The following CNTN5 variants were observed in gnomAD, a reference collection of about 807,000 sequenced individuals.
CNTN5 encodes contactin-5.
In CNTN5, 77 loss-of-function variants were observed where a neutral mutation model predicts 129.1. The observed-to-expected ratio is 0.60, with a 90% CI of 0.50 to 0.72. The LOEUF (loss-of-function observed/expected upper bound fraction) is 0.72. Ranked by LOEUF, CNTN5 falls within the 30% of genes least tolerant of loss-of-function variation. The pLI, the probability that CNTN5 is intolerant of heterozygous loss-of-function variation, is 0.00. For missense variants in CNTN5, 1,478 were observed against 1,328.8 expected, an observed-to-expected ratio of 1.11 and a Z score of -1.75; for synonymous variants, 509 against 465.6, an observed-to-expected ratio of 1.09 and a Z score of -1.20.
intron 1 of CNTN5, among the ~76,000 whole-genome samples, chr11:99,285,607 G>C (rs886636261): frequency 7.2e-6 from 1 of 139,712 alleles, no homozygotes; most frequent in Non-Finnish European, 1.5e-5. Flanking sequence ...AAAAAAAAAA[G>C]AAATGAAGAT....
intron 3 of CNTN5, among the ~76,000 whole-genome samples, chr11:99,760,964 G>T (rs981528243): frequency 1.3e-5 from 2 of 152,046 alleles, no homozygotes; most frequent in Non-Finnish European, 2.9e-5. Context: ...AATGATGTGG[G>T]TTATTTGTTT....
At chr11:99,652,399 A>G (rs1267181440) in intron 3 of CNTN5, among the ~76,000 whole-genome samples, 3 of 152,076 alleles carry the variant, frequency 2.0e-5, no homozygotes, top group Non-Finnish European at 1.5e-5. Context: ...CATCTTTGTC[A>G]TATAAAGTAA....
chr11:99,852,718 C>T (rs1436904364), intron 6 of CNTN5, among the ~76,000 whole-genome samples: 1 of 152,136 alleles, frequency 6.6e-6, no homozygotes, highest in Admixed American at 6.5e-5. Flanking sequence ...TATATTTTAT[C>T]ATAGTGCTCT....
chr11:100,140,112 A>G (rs1946646820), intron 13 of CNTN5, among the ~76,000 whole-genome samples: 1 of 152,184 alleles, frequency 6.6e-6, no homozygotes, highest in African/African-American at 2.4e-5. Flanking sequence ...AGAGATAGAA[A>G]GTTTGAGCCA....
Position 100,341,171 on chromosome 11 carries a change from C to T in CNTN5, c.2996C>T (p.Pro999Leu). The change falls in exon 23 of 25, where the codon CCA (proline) becomes CTA (leucine). Residue 999 changes from proline to leucine, a missense_variant. By Grantham distance (98) the Pro-to-Leu change is moderately conservative (BLOSUM62 -3). Transcript: ENST00000524871. ...TCTCTGGGCTGGGAACCCGTCATAC[C>T]ATTAGCCAACGAATCTGAAGTTGTG... ...QVSLGWEPVI[P>L]LANESEVVGY... 6.2e-7 allele frequency: 1 copy of T among 1,613,810 alleles called. No homozygotes were observed. Among genetic ancestry groups the T allele is most frequent in the Non-Finnish European group, 8.5e-7 (1 of 1,179,752 alleles).
chr11:100,182,655 G>A (rs2138459361), intron 13 of CNTN5, among the ~76,000 whole-genome samples: 1 of 152,120 alleles, frequency 6.6e-6, no homozygotes, highest in Admixed American at 6.6e-5. Context: ...GTGATTCAAA[G>A]TGTATCACAG....
At chr11:99,884,847 T>C (rs894131992) in intron 6 of CNTN5, among the ~76,000 whole-genome samples, 7 of 152,100 alleles carry the variant, frequency 4.6e-5, no homozygotes, top group African/African-American at 1.7e-4. Flanking sequence ...TGTGATGGCA[T>C]GTGCTTGTAG....
chr11:99,237,150 T>C (rs950415317), intron 1 of CNTN5, among the ~76,000 whole-genome samples: 18 of 152,154 alleles, frequency 1.2e-4, no homozygotes, highest in African/African-American at 2.4e-4. Flanking sequence ...GCAATATTAC[T>C]ACACGCAAAA....
At chr11:99,135,768 A>C (rs1194058187) in intron 1 of CNTN5, among the ~76,000 whole-genome samples, 2 of 152,144 alleles carry the variant, frequency 1.3e-5, no homozygotes, top group South Asian at 2.1e-4. Context: ...CCATTCTACC[A>C]ATTATATGTT....
chr11:99,057,966 T>G (rs1864701747), intron 1 of CNTN5, among the ~76,000 whole-genome samples: 1 of 152,080 alleles, frequency 6.6e-6, no homozygotes, highest in East Asian at 1.9e-4. Flanking sequence ...AGGAAAATAA[T>G]ATTCTAGGTA....
Position 100,185,381 on chromosome 11 carries a change from C to A in CNTN5, c.1581-5745C>A, listed in dbSNP as rs1442939144. On this transcript the variant is annotated intron_variant, in intron 13 of 24. Transcript: ENST00000524871. ...CTCTCCAGATTCATTCTCCACCCTT[C>A]AGTACTCTGCAGTATACCCCAAGAG... Among the ~76,000 whole-genome samples, 3 of 152,216 alleles carry A rather than the reference C, an allele frequency of 2.0e-5. No homozygotes were observed. The East Asian group carries it at 5.8e-4, about 30-fold the overall frequency.
intron 2 of CNTN5, among the ~76,000 whole-genome samples, chr11:99,523,634 TAGAATAGAATAGAATAGAA>T (rs1565258501): frequency 2.0e-5 from 1 of 48,914 alleles, no homozygotes; most frequent in Non-Finnish European, 4.1e-5. Flanking sequence ...TAGAATAGAA[TAGAATAGAATAGAATAGAA>T]CAGAACAGAT....
chr11:100,311,193 C>T (rs763868725), intron 21 of CNTN5, among the ~76,000 whole-genome samples: 2 of 151,578 alleles, frequency 1.3e-5, no homozygotes, highest in Non-Finnish European at 2.9e-5. Flanking sequence ...AGAAGTGGAC[C>T]TTTTAAAATA....
chr11:99,388,292 GTAATCCCAGC>G (rs1409655129), intron 2 of CNTN5, among the ~76,000 whole-genome samples: 1 of 151,466 alleles, frequency 6.6e-6, no homozygotes, highest in Non-Finnish European at 1.5e-5. Context: ...GCACACACCT[GTAATCCCAGC>G]TACTTGGGAG....
intron 15 of CNTN5, among the ~76,000 whole-genome samples, chr11:100,218,835 G>C (rs143618280): frequency 6.6e-6 from 1 of 152,128 alleles, no homozygotes; most frequent in Admixed American, 6.6e-5. Context: ...GATTAAGAAC[G>C]TGGACCATCT....
At chr11:99,601,235 T>C (rs1435024149) in intron 3 of CNTN5, among the ~76,000 whole-genome samples, 3 of 152,238 alleles carry the variant, frequency 2.0e-5, no homozygotes, top group African/African-American at 4.8e-5. Flanking sequence ...GTGGAACTCA[T>C]TGCTTCTTAC....
At chr11:99,274,286 A>G (rs2135866645) in intron 1 of CNTN5, among the ~76,000 whole-genome samples, 1 of 151,902 alleles carries the variant, frequency 6.6e-6, no homozygotes, top group Middle Eastern at 3.4e-3. Context: ...GTGGTGACAG[A>G]AGCTAATCTC....
At chr11:99,399,673 T>C (rs1010168164) in intron 2 of CNTN5, among the ~76,000 whole-genome samples, 5 of 151,828 alleles carry the variant, frequency 3.3e-5, no homozygotes, top group Admixed American at 6.6e-5. Flanking sequence ...TAACTTTATA[T>C]GTCCAATAAC....
intron 1 of CNTN5, among the ~76,000 whole-genome samples, chr11:99,179,616 G>A (rs1372636848): frequency 6.6e-6 from 1 of 152,096 alleles, no homozygotes; most frequent in African/African-American, 2.4e-5. Flanking sequence ...TGATCCATAT[G>A]CCCAAAGGCT....
Sources: gnomAD v4.1 joint callset for allele counts (sites outside exome capture counted in the v4.1 genomes callset) on GRCh38, gnomAD v4.1.1 for gene constraint, MANE v1.5 for transcripts, NCBI Gene and HGNC (gene_info 2026-07-23, HGNC 2026-07-21) for gene names.